Variants in MAGI2 observed in about 807,000 individuals in gnomAD.
MAGI2 encodes the protein membrane-associated guanylate kinase, WW and PDZ domain-containing protein 2.
A neutral mutation model predicts 133.3 loss-of-function variants in MAGI2; 35 were observed. The ratio of observed to expected loss-of-function variants is 0.26; its 90% CI spans 0.20 to 0.35. The LOEUF (loss-of-function observed/expected upper bound fraction) is 0.35, where lower values mean the gene tolerates loss of function less well. Among genes scored for constraint, MAGI2 ranks in the 10% least tolerant of loss-of-function variants. MAGI2 has a pLI of 1.00. For synonymous variants in MAGI2, 729 were observed against 710.6 expected, an observed-to-expected ratio of 1.03 and a Z score of -0.41; for missense variants, 1,636 against 1,863.4, an observed-to-expected ratio of 0.88 and a Z score of 2.25.
chr7:79,362,371 T>C (rs909908885), intron 1 of MAGI2, among the ~76,000 whole-genome samples: 8 of 152,220 alleles, frequency 5.3e-5, no homozygotes, highest in East Asian at 1.9e-4. Context: ...GAATTTATAA[T>C]TTTAGAACTA....
chr7:78,105,470 T>C (rs931510741), intron 20 of MAGI2, among the ~76,000 whole-genome samples: 2 of 152,210 alleles, frequency 1.3e-5, no homozygotes, highest in Non-Finnish European at 2.9e-5. Context: ...TGTATTTCTA[T>C]GTGCAGGATA....
chr7:78,176,208 G>A (rs545728075), intron 14 of MAGI2, among the ~76,000 whole-genome samples: 111 of 152,216 alleles, frequency 7.3e-4, no homozygotes, highest in African/African-American at 2.6e-3. Context: ...ATAAATTTAA[G>A]TCTGAAGTTA....
In MAGI2 at chr7:79,208,292, G is replaced by T. The variant is rs117631510; in HGVS notation, c.302-201086C>A. ...TATTTTCAAAATATACATCTGATAA[G>T]GGTTTAATAACCAAAATATATAAAA... On this transcript the variant is annotated intron_variant, in intron 1 of 21. Coordinates refer to ENST00000354212, the MANE Select transcript of MAGI2 (RefSeq NM_012301.4). Among the ~76,000 whole-genome samples, 669 of 151,922 alleles carry T rather than the reference G, an allele frequency of 4.4e-3. 8 individuals are homozygous for T. Among genetic ancestry groups the T allele is most frequent in the Non-Finnish European group, 4.8e-3 (323 of 67,918 alleles).
intron 7 of MAGI2, chr7:78,358,817 G>A (rs1000014388): frequency 2.8e-5 from 5 of 179,620 alleles, no homozygotes; most frequent in South Asian, 2.3e-4. Context: ...CACAAAGAAC[G>A]TGGAGAAGAC....
rs55784786 is a variant in MAGI2, at chr7:78,741,376, AACACACACACACACACACAC to A, written c.419-114157_419-114138del. On this transcript the variant is annotated intron_variant, in intron 2 of 21. Transcript: ENST00000354212. Reference sequence around the variant, plus strand: ...TGGAGGAATAGAAGAAAAAAGTTGAAACACACACACACACACACACACACACACACACACACACACACACA... The same window carrying A: ...TGGAGGAATAGAAGAAAAAAGTTGAAACACACACACACACACACACACACA... 1.3e-3 allele frequency among the ~76,000 whole-genome samples: 153 copies of A among 117,548 alleles called. 1 individual carries two copies. Among genetic ancestry groups the A allele is most frequent in the East Asian group, 2.8e-3 (11 of 3,962 alleles). The allele number at this position is 117,548 out of a possible 152,430, so 77.1% of individuals were successfully genotyped here.
At chr7:79,370,714 T>A (rs1842997909) in intron 1 of MAGI2, among the ~76,000 whole-genome samples, 1 of 151,910 alleles carries the variant, frequency 6.6e-6, no homozygotes, top group African/African-American at 2.4e-5. Flanking sequence ...ATAGAAAAGA[T>A]AGATGGATAA....
chr7:78,717,063 A>G (rs1819779462), intron 2 of MAGI2, among the ~76,000 whole-genome samples: 1 of 152,008 alleles, frequency 6.6e-6, no homozygotes, highest in Non-Finnish European at 1.5e-5. Flanking sequence ...AGCCCAGCAT[A>G]CCATTCCCAC....
At chr7:79,240,836 G>T (rs1832341916) in intron 1 of MAGI2, among the ~76,000 whole-genome samples, 1 of 151,826 alleles carries the variant, frequency 6.6e-6, no homozygotes, top group African/African-American at 2.4e-5. Context: ...CAAAACTCTC[G>T]TTGAATTCTC....
intron 2 of MAGI2, among the ~76,000 whole-genome samples, chr7:78,918,239 C>A (rs551223103): frequency 3.5e-4 from 54 of 152,256 alleles, no homozygotes; most frequent in South Asian, 2.3e-3. Context: ...GACTAGATAT[C>A]TATTTCTTAC....
intron 16 of MAGI2, among the ~76,000 whole-genome samples, chr7:78,159,528 C>T (rs1006018549): frequency 6.6e-6 from 1 of 152,176 alleles, no homozygotes; most frequent in African/African-American, 2.4e-5. Context: ...CCCTTGCTCC[C>T]CGTACTACAG....
intron 1 of MAGI2, among the ~76,000 whole-genome samples, chr7:79,254,963 A>G (rs893030615): frequency 4.6e-5 from 7 of 152,186 alleles, no homozygotes; most frequent in Non-Finnish European, 7.4e-5. Context: ...TTCTCTCGCT[A>G]GTATTCTAGT....
At chr7:79,288,597 G>A (rs962933414) in intron 1 of MAGI2, among the ~76,000 whole-genome samples, 2 of 152,076 alleles carry the variant, frequency 1.3e-5, no homozygotes, top group Non-Finnish European at 2.9e-5. Flanking sequence ...AATCAGAATT[G>A]TATAATAAAA....
chr7:78,905,770 C>T (rs1478430602), intron 2 of MAGI2, among the ~76,000 whole-genome samples: 1 of 152,100 alleles, frequency 6.6e-6, no homozygotes, highest in East Asian at 1.9e-4. Flanking sequence ...GCTTTTACTT[C>T]TGAAGGGGAA....
chr7:79,221,315 G>A (rs1830430149), intron 1 of MAGI2, among the ~76,000 whole-genome samples: 1 of 151,956 alleles, frequency 6.6e-6, no homozygotes, highest in African/African-American at 2.4e-5. Flanking sequence ...CCACATCCAG[G>A]AAGAGCTGCC....
At chr7:79,416,824 T>C (rs950520066) in intron 1 of MAGI2, among the ~76,000 whole-genome samples, 1 of 144,872 alleles carries the variant, frequency 6.9e-6, no homozygotes, top group African/African-American at 2.6e-5. Context: ...AACCTCCACC[T>C]CCTATGTTCA....
chr7:78,536,358 C>A (rs1423349972), intron 3 of MAGI2, among the ~76,000 whole-genome samples: 1 of 151,570 alleles, frequency 6.6e-6, no homozygotes, highest in Admixed American at 6.6e-5. Flanking sequence ...GTGATCCGCC[C>A]GCCTCGGCCT....
intron 1 of MAGI2, among the ~76,000 whole-genome samples, chr7:79,228,854 G>C (rs1445132436): frequency 6.6e-6 from 1 of 152,122 alleles, no homozygotes; most frequent in Non-Finnish European, 1.5e-5. Flanking sequence ...TTTAGAGGAT[G>C]CTAATAGGTA....
intron 2 of MAGI2, among the ~76,000 whole-genome samples, chr7:78,952,542 A>G (rs1801957382): frequency 6.6e-6 from 1 of 152,200 alleles, no homozygotes; most frequent in Admixed American, 6.6e-5. Flanking sequence ...TCCATAAAAC[A>G]AATGTTCCTA....
intron 4 of MAGI2, among the ~76,000 whole-genome samples, chr7:78,512,724 T>C (rs1225569112): frequency 6.6e-6 from 1 of 152,178 alleles, no homozygotes; most frequent in East Asian, 1.9e-4. Flanking sequence ...TAGCCAGGGG[T>C]ATGTGAATTA....
Sources: allele counts gnomAD v4.1 joint callset (sites outside exome capture counted in the v4.1 genomes callset), GRCh38; gene constraint gnomAD v4.1.1; transcripts MANE v1.5; gene names NCBI Gene and HGNC (gene_info 2026-07-23, HGNC 2026-07-21).